The following PPP1R9A variants were observed in gnomAD, a reference collection of about 807,000 sequenced individuals.
PPP1R9A encodes the protein protein phosphatase 1 regulatory subunit 9A.
In PPP1R9A, 59 loss-of-function variants were observed where a neutral mutation model predicts 141.9. That is an observed-to-expected ratio of 0.42 (90% CI 0.34 to 0.52). The LOEUF (loss-of-function observed/expected upper bound fraction) is 0.52. Among genes scored for constraint, PPP1R9A ranks in the 20% least tolerant of loss-of-function variants. The pLI is 0.10. For missense variants in PPP1R9A, 1,444 were observed against 1,611.9 expected, an observed-to-expected ratio of 0.90 and a Z score of 1.78; for synonymous variants, 500 against 569.7, an observed-to-expected ratio of 0.88 and a Z score of 1.74.
At chr7:95,183,596 G>A (rs1449074620) in intron 5 of PPP1R9A, among the ~76,000 whole-genome samples, 1 of 150,970 alleles carries the variant, frequency 6.6e-6, no homozygotes, top group African/African-American at 2.4e-5. Flanking sequence ...GACTATAGGC[G>A]CCCACCACCA....
At chr7:95,282,208 A>ATAAG (rs1429415895) in intron 16 of PPP1R9A, among the ~76,000 whole-genome samples, 5 of 139,472 alleles carry the variant, frequency 3.6e-5, no homozygotes, top group African/African-American at 1.1e-4. Context: ...GCACACGCCT[A>ATAAG]TAAGTCCTAG....
chr7:94,961,439 C>G (rs10279182), intron 2 of PPP1R9A, among the ~76,000 whole-genome samples: 1 of 151,436 alleles, frequency 6.6e-6, no homozygotes, highest in African/African-American at 2.4e-5. Flanking sequence ...CCTGAGTCAT[C>G]GGGCCGGACA....
chr7:94,995,118 C>T (rs1285095313), intron 2 of PPP1R9A, among the ~76,000 whole-genome samples: 3 of 138,494 alleles, frequency 2.2e-5, no homozygotes, highest in Non-Finnish European at 3.3e-5. Context: ...TTATACAATT[C>T]TAAGTTGATA....
chr7:95,150,700 A>G (rs896558440), intron 4 of PPP1R9A, among the ~76,000 whole-genome samples: 1 of 152,154 alleles, frequency 6.6e-6, no homozygotes, highest in Non-Finnish European at 1.5e-5. Flanking sequence ...GTTTTGTGAT[A>G]AGTAGTGTTA....
intron 8 of PPP1R9A, among the ~76,000 whole-genome samples, chr7:95,236,886 AT>A (rs1395583191): frequency 6.6e-6 from 1 of 150,446 alleles, no homozygotes; most frequent in South Asian, 2.1e-4. Context: ...ATTTATATGT[AT>A]TTTTTCTTGC....
At chr7:95,232,318 T>C (rs1218447517) in intron 8 of PPP1R9A, among the ~76,000 whole-genome samples, 3 of 152,140 alleles carry the variant, frequency 2.0e-5, no homozygotes, top group African/African-American at 2.4e-5. Context: ...TGGCTAGCCA[T>C]ATGCAGAAAA....
intron 2 of PPP1R9A, among the ~76,000 whole-genome samples, chr7:95,000,148 G>A (rs1802714977): frequency 6.6e-6 from 1 of 152,108 alleles, no homozygotes; most frequent in Admixed American, 6.6e-5. Context: ...TTCTGATGTA[G>A]TTCTTTTGTA....
At chr7:95,108,403 T>C (rs531520353) in intron 2 of PPP1R9A, among the ~76,000 whole-genome samples, 1 of 136,872 alleles carries the variant, frequency 7.3e-6, no homozygotes, top group Non-Finnish European at 1.5e-5. Flanking sequence ...CTCCGCCTCC[T>C]GGGTTCATGC....
intron 4 of PPP1R9A, among the ~76,000 whole-genome samples, chr7:95,136,935 G>A (rs1825761638): frequency 6.6e-6 from 1 of 152,110 alleles, no homozygotes; most frequent in African/African-American, 2.4e-5. Flanking sequence ...ATATAGAAGA[G>A]GTTCAAAGGT....
intron 2 of PPP1R9A, among the ~76,000 whole-genome samples, chr7:94,940,610 T>A (rs949926455): frequency 1.5e-4 from 23 of 152,140 alleles, no homozygotes; most frequent in Non-Finnish European, 3.4e-4. Context: ...TCTGTTAGCC[T>A]CTAGAGTTCT....
intron 8 of PPP1R9A, among the ~76,000 whole-genome samples, chr7:95,236,671 T>A (rs1188335169): frequency 6.6e-6 from 1 of 151,732 alleles, no homozygotes; most frequent in Non-Finnish European, 1.5e-5. Context: ...TTTTAGTTCC[T>A]AATTGTTTCT....
At chr7:95,054,933 T>C (rs1811314868) in intron 2 of PPP1R9A, among the ~76,000 whole-genome samples, 1 of 152,156 alleles carries the variant, frequency 6.6e-6, no homozygotes, top group Non-Finnish European at 1.5e-5. Context: ...TTTGAATAAA[T>C]AAAAGCAAGT....
At chr7:94,946,001 A>G (rs1174939173) in intron 2 of PPP1R9A, among the ~76,000 whole-genome samples, 1 of 152,142 alleles carries the variant, frequency 6.6e-6, no homozygotes, top group Non-Finnish European at 1.5e-5. Context: ...ATGAATCTGT[A>G]GATTTTAAGC....
intron 2 of PPP1R9A, among the ~76,000 whole-genome samples, chr7:95,003,735 A>G (rs1803244116): frequency 6.6e-6 from 1 of 152,092 alleles, no homozygotes; most frequent in South Asian, 2.1e-4. Context: ...AGAGATTCTG[A>G]TTTATTGTTG....
chr7:95,143,500 T>G (rs1022558011), intron 4 of PPP1R9A, among the ~76,000 whole-genome samples: 1 of 152,168 alleles, frequency 6.6e-6, no homozygotes, highest in Non-Finnish European at 1.5e-5. Context: ...AATTCTGATA[T>G]AGATGGTTAG....
chr7:95,291,987 AC>A lies in PPP1R9A; in HGVS notation c.*1689del, dbSNP rs1806426431. On this transcript the variant is annotated 3_prime_UTR_variant, in exon 20 of 20. Transcript: ENST00000433360. Reference sequence around the variant, plus strand: ...AACTGGACATTTTTAATTCTGTTTTACCCCCAAGGCCTGTTTTCTTTTCATT... The same window carrying A: ...AACTGGACATTTTTAATTCTGTTTTACCCCAAGGCCTGTTTTCTTTTCATT... The A allele has an allele frequency of 6.6e-6, 1 of 152,020 alleles. No homozygotes were observed. The highest frequency in any genetic ancestry group is 2.1e-4 in the South Asian group (1 of 4,828). The allele number at this position is 152,020 out of a possible 1,614,324, so 9.4% of individuals were successfully genotyped here.
Position 95,178,749 on chromosome 7 carries a change from C to T in PPP1R9A, c.1754+16778C>T, listed in dbSNP as rs547758554. On this transcript the variant is annotated intron_variant, in intron 5 of 19. Coordinates refer to ENST00000433360, the MANE Select transcript of PPP1R9A (RefSeq NM_001166160.2). ...GATCATTCAAGGCTACTATGAATAACTTTATGTGCATACACTAGAAAACCT... is the reference window on the plus strand; with the variant it reads ...GATCATTCAAGGCTACTATGAATAATTTTATGTGCATACACTAGAAAACCT... 2.0e-4 allele frequency among the ~76,000 whole-genome samples: 31 copies of T among 152,196 alleles called. No homozygotes were observed. In the South Asian group the frequency reaches 6.2e-3, roughly 31 times the overall value.
intron 2 of PPP1R9A, among the ~76,000 whole-genome samples, chr7:95,082,569 G>A (rs1816024055): frequency 6.6e-6 from 1 of 151,726 alleles, no homozygotes; most frequent in Admixed American, 6.6e-5. Context: ...GCGAGACACT[G>A]TCTCTACAAA....
At position 95,251,939 on chromosome 7, in the gene PPP1R9A, A is replaced by G; in HGVS notation, c.2494-20A>G. On this transcript the variant is annotated intron_variant, in intron 11 of 19. Coordinates refer to ENST00000433360, the MANE Select transcript of PPP1R9A (RefSeq NM_001166160.2). The stretch of plus-strand genomic sequence containing the variant: ...GGGAGCGCTAGTTTAGAGTTTTATA[A>G]ATGGATTTGTTTTTCCTAGATTAGA... The G allele has an allele frequency of 6.2e-7, 1 of 1,606,086 alleles. No homozygotes were observed. The highest frequency in any genetic ancestry group is 8.5e-7 in the Non-Finnish European group (1 of 1,177,650).
Sources: gnomAD v4.1 joint callset for allele counts (sites outside exome capture counted in the v4.1 genomes callset) on GRCh38, gnomAD v4.1.1 for gene constraint, MANE v1.5 for transcripts, NCBI Gene and HGNC (gene_info 2026-07-23, HGNC 2026-07-21) for gene names.